Variants in CHST11 observed in about 807,000 individuals in gnomAD.
The protein encoded by CHST11 is C4S-1.
CHST11 carries 9 observed loss-of-function variants against 30.4 expected under a neutral mutation model. That is an observed-to-expected ratio of 0.30 (90% CI 0.18 to 0.52). The LOEUF is 0.52. Ranked by LOEUF, CHST11 falls within the 20% of genes least tolerant of loss-of-function variation. The pLI is 0.97. For missense variants in CHST11, 348 were observed against 460.6 expected, an observed-to-expected ratio of 0.76 and a Z score of 2.24; for synonymous variants, 152 against 187.8, an observed-to-expected ratio of 0.81 and a Z score of 1.56.
At chr12:104,686,231 T>C (rs1200691984) in intron 2 of CHST11, among the ~76,000 whole-genome samples, 1 of 27,718 alleles carries the variant, frequency 3.6e-5, no homozygotes, top group African/African-American at 8.3e-5. Context: ...AACTCACCTC[T>C]TAAAAAAAAA....
chr12:104,696,171 C>T (rs1205380425), intron 2 of CHST11, among the ~76,000 whole-genome samples: 1 of 152,070 alleles, frequency 6.6e-6, no homozygotes, highest in Non-Finnish European at 1.5e-5. Context: ...CTGTTTGGCT[C>T]CCACCCACCC....
At chr12:104,597,797 G>A (rs2038921145) in intron 1 of CHST11, among the ~76,000 whole-genome samples, 1 of 152,170 alleles carries the variant, frequency 6.6e-6, no homozygotes, top group South Asian at 2.1e-4. Context: ...TTTTGGACTT[G>A]TCCTGGAAGT....
At position 104,602,135 on chromosome 12, in the gene CHST11, C is replaced by T. The variant is rs978023848; in HGVS notation, c.204+144C>T. 4 of 631,600 alleles carry T rather than the reference C, an allele frequency of 6.3e-6. No homozygotes were observed. In the African/African-American group the frequency reaches 7.4e-5, roughly 12 times the overall value. 39.1% of individuals were successfully genotyped at this position (631,600 alleles called of 1,614,324 possible). On this transcript the variant is annotated intron_variant, in intron 2 of 2. Transcript: ENST00000303694. Reference sequence around the variant, plus strand: ...TACCTTCAGTGGTTGCTTTCTCCGTCACCCTTTTTCTATGTAGCATCTCTG... The same window carrying T: ...TACCTTCAGTGGTTGCTTTCTCCGTTACCCTTTTTCTATGTAGCATCTCTG...
intron 1 of CHST11, among the ~76,000 whole-genome samples, chr12:104,464,034 T>C (rs1565950852): frequency 6.6e-6 from 1 of 150,730 alleles, no homozygotes; most frequent in Non-Finnish European, 1.5e-5. Context: ...GGAAGCAATG[T>C]AGCAAGATTG....
At chr12:104,491,021 C>CT (rs34815132) in intron 1 of CHST11, among the ~76,000 whole-genome samples, 221 of 147,024 alleles carry the variant, frequency 1.5e-3, no homozygotes, top group African/African-American at 4.4e-3. Flanking sequence ...AGGTCTCTGG[C>CT]TTTTTTTTTT....
Position 104,693,615 on chromosome 12 carries a change from A to G in CHST11, c.205-63334A>G, listed in dbSNP as rs549873175. ...GTGGCAATGCTAATGCAGCATGCCA[A>G]GTGTCAGGACATGGGGGTTTTAAGG... On this transcript the variant is annotated intron_variant, in intron 2 of 2. Coordinates refer to ENST00000303694, the MANE Select transcript of CHST11 (RefSeq NM_018413.6). 3.3e-5 allele frequency among the ~76,000 whole-genome samples: 5 copies of G among 152,294 alleles called. No homozygotes were observed. In the South Asian group the frequency reaches 1.0e-3, roughly 32 times the overall value.
At chr12:104,541,107 A>G (rs2136001463) in intron 1 of CHST11, among the ~76,000 whole-genome samples, 1 of 109,966 alleles carries the variant, frequency 9.1e-6, no homozygotes, top group South Asian at 4.3e-4. Context: ...ATTCTGCAGA[A>G]TCTCTCCCTC....
chr12:104,525,133 C>G (rs1269294016), intron 1 of CHST11, among the ~76,000 whole-genome samples: 1 of 143,048 alleles, frequency 7.0e-6, no homozygotes, highest in African/African-American at 2.6e-5. Context: ...AAGAGACAGT[C>G]TCAGTTACAT....
intron 1 of CHST11, among the ~76,000 whole-genome samples, chr12:104,568,331 C>G (rs544823080): frequency 5.9e-5 from 9 of 152,208 alleles, no homozygotes; most frequent in Admixed American, 1.3e-4. Context: ...CCAGTGGCCC[C>G]CCTCCCACTG....
At chr12:104,565,039 G>A (rs1352201848) in intron 1 of CHST11, among the ~76,000 whole-genome samples, 1 of 152,112 alleles carries the variant, frequency 6.6e-6, no homozygotes, top group Admixed American at 6.5e-5. Flanking sequence ...TACAATTCAA[G>A]ATGAGATTTG....
At chr12:104,525,871 G>A (rs1461618327) in intron 1 of CHST11, among the ~76,000 whole-genome samples, 1 of 148,958 alleles carries the variant, frequency 6.7e-6, no homozygotes, top group African/African-American at 2.5e-5. Flanking sequence ...TTGCTATGAT[G>A]CCGATTTTTA....
intron 2 of CHST11, among the ~76,000 whole-genome samples, chr12:104,747,899 A>G (rs896946243): frequency 1.3e-5 from 2 of 152,188 alleles, no homozygotes; most frequent in African/African-American, 4.8e-5. Context: ...TAATGTTTTA[A>G]TTTAAGGGAA....
intron 1 of CHST11, among the ~76,000 whole-genome samples, chr12:104,460,741 G>T (rs1347347183): frequency 1.3e-5 from 2 of 151,698 alleles, no homozygotes; most frequent in Non-Finnish European, 2.9e-5. Flanking sequence ...CTAATCTGGG[G>T]CCCATTATCT....
intron 1 of CHST11, among the ~76,000 whole-genome samples, chr12:104,587,882 C>T (rs758491791): frequency 3.3e-5 from 4 of 121,682 alleles, no homozygotes; most frequent in Admixed American, 8.6e-5. Context: ...CTCTGTCACC[C>T]GGGCTGGAGG....
At chr12:104,691,527 C>G (rs1050358537) in intron 2 of CHST11, among the ~76,000 whole-genome samples, 1 of 146,638 alleles carries the variant, frequency 6.8e-6, no homozygotes. Context: ...CTCACTCTGT[C>G]GCTAGGCTGG....
chr12:104,643,636 TCACACACA>T (rs34979854), intron 2 of CHST11, among the ~76,000 whole-genome samples: 8,422 of 150,514 alleles, frequency 0.056, 280 homozygotes, highest in East Asian at 0.15. Flanking sequence ...GACTTTTTCT[TCACACACA>T]CACACACACA....
intron 2 of CHST11, among the ~76,000 whole-genome samples, chr12:104,717,711 C>T (rs1430085154): frequency 3.3e-5 from 5 of 152,126 alleles, no homozygotes; most frequent in Non-Finnish European, 7.4e-5. Flanking sequence ...GCGGAGGTTG[C>T]AGTGAGCCGA....
At chr12:104,590,378 A>C (rs1485485738) in intron 1 of CHST11, among the ~76,000 whole-genome samples, 1 of 152,234 alleles carries the variant, frequency 6.6e-6, no homozygotes, top group Non-Finnish European at 1.5e-5. Context: ...AGGAAAGTTT[A>C]GAAGACCTTG....
intron 2 of CHST11, among the ~76,000 whole-genome samples, chr12:104,668,634 C>G (rs527706551): frequency 3.4e-4 from 52 of 152,176 alleles, no homozygotes; most frequent in Non-Finnish European, 7.1e-4. Context: ...GAACATTTAT[C>G]GTCCCCTAGT....
Sources: allele counts gnomAD v4.1 joint callset (sites outside exome capture counted in the v4.1 genomes callset), GRCh38; gene constraint gnomAD v4.1.1; transcripts MANE v1.5; gene names NCBI Gene and HGNC (gene_info 2026-07-23, HGNC 2026-07-21).